The following TCP11L2 variants were observed in gnomAD, a reference collection of about 807,000 sequenced individuals.
TCP11L2 encodes t-complex 11 like 2.
A neutral mutation model predicts 50.7 loss-of-function variants in TCP11L2; 39 were observed. The ratio of observed to expected loss-of-function variants is 0.77; its 90% CI spans 0.60 to 1.01. The LOEUF (loss-of-function observed/expected upper bound fraction) is 1.01. TCP11L2 is among the 50% of genes least tolerant of loss of function. The probability of loss-of-function intolerance (pLI) is 0.00; values close to 1 mark genes in which losing one functional copy is unlikely to be tolerated. For missense variants in TCP11L2, 612 were observed against 614.7 expected (o/e 1.00, Z 0.05); for synonymous variants, 192 against 219.3 (o/e 0.88, Z 1.10).
chr12:106,335,529 C>A, intron 6 of TCP11L2, 110 bp from the exon 7 acceptor site: 2 of 1,095,130 alleles, frequency 1.8e-6, no homozygotes, highest in Non-Finnish European at 1.3e-6. Context: ...CAGGGCATGG[C>A]TGTGTCTTCT....
intron 4 of TCP11L2, among the ~76,000 whole-genome samples, chr12:106,319,061 G>A (rs1027494860): frequency 1.2e-4 from 19 of 152,166 alleles, no homozygotes; most frequent in African/African-American, 4.1e-4. Flanking sequence ...ACAGGCGCCC[G>A]CCACCGCGCC....
At chr12:106,341,045 T>TTGC (rs908375561) in intron 9 of TCP11L2, 47 bp downstream of exon 9, 2 of 1,523,282 alleles carry the variant, frequency 1.3e-6, no homozygotes, top group Non-Finnish European at 1.8e-6. Flanking sequence ...TTGCTTTAAC[T>TTGC]TGCTGATTTT....
In TCP11L2 at chr12:106,314,498, C is replaced by T; in HGVS notation, c.293+5C>T. ...AGAGGCTCTCCCAGAAAAGAGGTAACCTGGGGGCATTTGTTGTATATAAAC... is the reference window on the plus strand; with the variant it reads ...AGAGGCTCTCCCAGAAAAGAGGTAATCTGGGGGCATTTGTTGTATATAAAC... On this transcript the variant is annotated splice_donor_5th_base_variant and intron_variant, in intron 3 of 9. Coordinates refer to ENST00000299045, the MANE Select transcript of TCP11L2 (RefSeq NM_152772.3). 1 of 1,588,288 alleles carries T rather than the reference C, an allele frequency of 6.3e-7. No homozygotes were observed. Among genetic ancestry groups the T allele is most frequent in the Non-Finnish European group, 8.6e-7 (1 of 1,165,522 alleles).
At chr12:106,325,196 C>A (rs2035493506) in intron 6 of TCP11L2, 1 of 152,192 alleles carries the variant, frequency 6.6e-6, no homozygotes, top group Non-Finnish European at 1.5e-5. Flanking sequence ...ATGTAACACA[C>A]TTAAAAGTAT....
chr12:106,317,707 CAT>C (rs1365841147), intron 3 of TCP11L2, among the ~76,000 whole-genome samples: 3 of 151,988 alleles, frequency 2.0e-5, no homozygotes, highest in Non-Finnish European at 4.4e-5. Flanking sequence ...AGTGGAGGGA[CAT>C]GTGGTTTTCT....
At chr12:106,312,881 T>C (rs2034915022) in intron 2 of TCP11L2, among the ~76,000 whole-genome samples, 1 of 151,656 alleles carries the variant, frequency 6.6e-6, no homozygotes, top group South Asian at 2.1e-4. Flanking sequence ...GACTCTGTCT[T>C]GGGAAAAAAA....
At chr12:106,313,098 A>G (rs780449041) in intron 2 of TCP11L2, among the ~76,000 whole-genome samples, 24 of 152,188 alleles carry the variant, frequency 1.6e-4, no homozygotes, top group Admixed American at 6.5e-4. Context: ...GATTTATTCT[A>G]TTTTACTTTT....
chr12:106,315,357 C>T (rs2035037044), intron 3 of TCP11L2, among the ~76,000 whole-genome samples: 1 of 152,322 alleles, frequency 6.6e-6, no homozygotes, highest in East Asian at 1.9e-4. Context: ...GGTGAACCCC[C>T]TAGACTACAA....
intron 1 of TCP11L2, among the ~76,000 whole-genome samples, chr12:106,306,122 ATTTAAGCTAT>A (rs1444151188): frequency 1.3e-5 from 2 of 152,246 alleles, no homozygotes; most frequent in Admixed American, 1.3e-4. Flanking sequence ...ATAGAGTGGT[ATTTAAGCTAT>A]CACAGCAGTG....
chr12:106,307,124 A>G (rs1181889351), intron 1 of TCP11L2, among the ~76,000 whole-genome samples: 2 of 152,252 alleles, frequency 1.3e-5, no homozygotes, highest in African/African-American at 4.8e-5. Context: ...TAGTCTTACT[A>G]CCATTCATTT....
chr12:106,319,382 C>T (rs944844817), intron 4 of TCP11L2, among the ~76,000 whole-genome samples: 1 of 152,094 alleles, frequency 6.6e-6, no homozygotes, highest in Non-Finnish European at 1.5e-5. Context: ...AGTTTTTTCC[C>T]CCCAAAGATT....
At chr12:106,321,742 C>CT (rs1405233238) in intron 5 of TCP11L2, 36 bp downstream of exon 5, 2 of 1,580,252 alleles carry the variant, frequency 1.3e-6, no homozygotes, top group Non-Finnish European at 1.7e-6. Context: ...CCTAGAGTAT[C>CT]TTTGAGTTCA....
At chr12:106,302,276 C>T (rs943466598), upstream of TCP11L2, among the ~76,000 whole-genome samples, 1 of 151,650 alleles carries the variant, frequency 6.6e-6, no homozygotes, top group African/African-American at 2.4e-5. Context: ...GAGGCTTGGC[C>T]CGCGGCTTCG....
chr12:106,314,837 A>AAAAAAT (rs1057378727), intron 3 of TCP11L2, among the ~76,000 whole-genome samples: 1 of 151,738 alleles, frequency 6.6e-6, no homozygotes, highest in East Asian at 1.9e-4. Context: ...CCATCTCTGT[A>AAAAAAT]AAAAATAAAA....
chr12:106,311,329 C>T, intron 2 of TCP11L2, 97 bp downstream of exon 2: 2 of 1,383,110 alleles, frequency 1.4e-6, no homozygotes, highest in Non-Finnish European at 9.8e-7. Context: ...CAACAGACTT[C>T]CCCTCCTTTC....
intron 9 of TCP11L2, among the ~76,000 whole-genome samples, chr12:106,345,288 G>A (rs545801037): frequency 9.9e-5 from 15 of 152,196 alleles, no homozygotes; most frequent in African/African-American, 2.6e-4. Context: ...GAGCCACTAC[G>A]CCTGGCACCA....
intron 6 of TCP11L2, among the ~76,000 whole-genome samples, chr12:106,334,270 A>G (rs2035837647): frequency 1.3e-5 from 2 of 152,304 alleles, no homozygotes; most frequent in South Asian, 4.1e-4. Flanking sequence ...TAGGAAGGAC[A>G]TGTTTGTTGG....
chr12:106,299,752 C>G (rs575814896), upstream of TCP11L2, among the ~76,000 whole-genome samples: 86 of 152,334 alleles, frequency 5.6e-4, 1 homozygote, highest in African/African-American at 1.9e-3. Flanking sequence ...TCCTCATATT[C>G]TGTCCTAGAT....
chr12:106,339,988 A>G (rs79075478), intron 8 of TCP11L2, among the ~76,000 whole-genome samples: 105 of 152,192 alleles, frequency 6.9e-4, no homozygotes, highest in South Asian at 1.9e-3. Context: ...AGACACATAG[A>G]AGTTCAGTGG....
Sources: gnomAD v4.1 joint callset for allele counts (sites outside exome capture counted in the v4.1 genomes callset) on GRCh38, gnomAD v4.1.1 for gene constraint, MANE v1.5 for transcripts, NCBI Gene and HGNC (gene_info 2026-07-23, HGNC 2026-07-21) for gene names.